The following RBM38 variants were observed in gnomAD, a reference collection of about 807,000 sequenced individuals.
RBM38 encodes the protein RNA-binding protein 38.
RBM38 carries 11 observed loss-of-function variants against 23.5 expected under a neutral mutation model. The ratio of observed to expected loss-of-function variants is 0.47; its 90% confidence interval spans 0.29 to 0.77. The LOEUF (loss-of-function observed/expected upper bound fraction) is 0.77, where lower values mean the gene tolerates loss of function less well. Among genes scored for constraint, RBM38 ranks in the 30% least tolerant of loss-of-function variants. The pLI is 0.08. For synonymous variants in RBM38, 165 were observed against 166.1 expected (o/e 0.99, Z 0.05); for missense variants, 330 against 351.9 (o/e 0.94, Z 0.50).
At chr20:57,394,785 G>A (rs1406580430) in intron 3 of RBM38, among the ~76,000 whole-genome samples, 8 of 152,186 alleles carry the variant, frequency 5.3e-5, no homozygotes, top group African/African-American at 1.9e-4. Context: ...CATTCCCCAG[G>A]CCCACAGCAG....
intron 1 of RBM38, chr20:57,392,383 C>G: frequency 1.3e-6 from 2 of 1,497,206 alleles, no homozygotes; most frequent in Non-Finnish European, 1.8e-6. Context: ...TTCATTTTTG[C>G]CCTATCCCCG....
At chr20:57,406,850 C>T (rs747721736) in intron 3 of RBM38, among the ~76,000 whole-genome samples, 2 of 152,016 alleles carry the variant, frequency 1.3e-5, no homozygotes, top group Admixed American at 6.6e-5. Context: ...AAAAATTAGC[C>T]GAGCGTGGTG....
chr20:57,392,596 G>C, intron 1 of RBM38, 58 bp from the exon 2 acceptor site: 1 of 1,559,656 alleles, frequency 6.4e-7, no homozygotes, highest in Non-Finnish European at 8.7e-7. Context: ...GGAGCCGTCT[G>C]CCCCTTTCGC....
chr20:57,393,240 T>A (rs751041486), intron 2 of RBM38, 39 bp from the exon 3 acceptor site: 1 of 1,603,372 alleles, frequency 6.2e-7, no homozygotes, highest in South Asian at 1.1e-5. Flanking sequence ...ACGTGGCTCG[T>A]GCAGCAAGGC....
In RBM38 at chr20:57,405,201, C is replaced by G. The variant is rs183891885; in HGVS notation, c.417-2342C>G. 3.6e-3 allele frequency among the ~76,000 whole-genome samples: 544 copies of G among 152,356 alleles called. 3 individuals carry two copies. The highest frequency in any genetic ancestry group is 5.3e-3 in the Non-Finnish European group (358 of 68,030). On this transcript the variant is annotated intron_variant, in intron 3 of 3. Coordinates refer to ENST00000356208, the MANE Select transcript of RBM38 (RefSeq NM_017495.6). ...CTGTCTTGACTTCCCCTGAGCCCCC[C>G]ACTCTGGTTTATGGGTTGGTGCATT...
chr20:57,407,361 A>G lies in RBM38; in HGVS notation c.417-182A>G, dbSNP rs1051233753. ...GGAGGGAGCCTGGTGGTTAGTGCAG[A>G]CAGTCAGTGCGAAGGCCTTGAGGCG... is the stretch of plus-strand genomic sequence containing the variant. On this transcript the variant is annotated intron_variant, in intron 3 of 3. Coordinates refer to ENST00000356208, the MANE Select transcript of RBM38 (RefSeq NM_017495.6). This position sits in a 1 kb window ranked among gnomAD's most constrained non-coding sequence, Gnocchi z 4.0. 1.3e-5 allele frequency among the ~76,000 whole-genome samples: 2 copies of G among 152,130 alleles called. No individual in the cohort carries two copies. Among genetic ancestry groups the G allele is most frequent in the Admixed American group, 6.5e-5 (1 of 15,284 alleles).
At position 57,407,267 on chromosome 20, in the gene RBM38, T is replaced by C. The variant is rs1035227757; in HGVS notation, c.417-276T>C. ...TATTTTTGCACCAGCTCCGGGGATG[T>C]GGGGTGTAGGGCTGGGATGCGGGGG... On this transcript the variant is annotated intron_variant, in intron 3 of 3. Coordinates refer to ENST00000356208, the MANE Select transcript of RBM38 (RefSeq NM_017495.6). The surrounding 1 kb of genome is among the most constrained non-coding windows in gnomAD (Gnocchi z 4.0). Among the ~76,000 whole-genome samples, 1 of 152,024 alleles carries C rather than the reference T, an allele frequency of 6.6e-6. No homozygotes were observed. Among genetic ancestry groups the C allele is most frequent in the Non-Finnish European group, 1.5e-5 (1 of 67,966 alleles).
Position 57,392,322 on chromosome 20 carries a change from C to G in RBM38, c.238-332C>G. On this transcript the variant is annotated intron_variant, in intron 1 of 3. Transcript: ENST00000356208. ...CAAACTCCTTCTCAGAGGAAAGTCT[C>G]GGCCCTCACTGGTGGGCAAGTCCAG... 4.1e-6 allele frequency: 4 copies of G among 965,510 alleles called. No individual in the cohort carries two copies. The South Asian group carries it at 5.6e-5, about 14-fold the overall frequency. The allele number at this position is 965,510 out of a possible 1,614,324, so 59.8% of individuals were successfully genotyped here.
intron 3 of RBM38, among the ~76,000 whole-genome samples, chr20:57,403,388 C>T (rs779867774): frequency 6.6e-6 from 1 of 152,232 alleles, no homozygotes; most frequent in African/African-American, 2.4e-5. Flanking sequence ...GTGGCTGCTT[C>T]TACCTTAACT....
chr20:57,395,783 G>T (rs2067268811), intron 3 of RBM38, among the ~76,000 whole-genome samples: 1 of 148,308 alleles, frequency 6.7e-6, no homozygotes, highest in South Asian at 2.1e-4. Context: ...GCCGGAGCTG[G>T]AGAGCTGGGC....
At chr20:57,405,447 G>A (rs923916962) in intron 3 of RBM38, among the ~76,000 whole-genome samples, 1 of 152,248 alleles carries the variant, frequency 6.6e-6, no homozygotes, top group Non-Finnish European at 1.5e-5. Context: ...GCGCCACTGC[G>A]GGGTTCCTGG....
At position 57,391,410 on chromosome 20, in the gene RBM38, G is replaced by C. The variant is rs1434974687; in HGVS notation, c.-172G>C. ...GGTGCCGGGGCGCAGAGTCCCCGCAGCGCCGGTCGGGAGCGCAGCGCGGCG... is the reference window on the plus strand; with the variant it reads ...GGTGCCGGGGCGCAGAGTCCCCGCACCGCCGGTCGGGAGCGCAGCGCGGCG... On this transcript the variant is annotated 5_prime_UTR_variant, in exon 1 of 4. Transcript: ENST00000356208. The C allele has an allele frequency of 6.7e-6, 1 of 148,556 alleles. No homozygotes were observed. Among genetic ancestry groups the C allele is most frequent in the Non-Finnish European group, 1.5e-5 (1 of 67,114 alleles). The allele number at this position is 148,556 out of a possible 1,614,324, so 9.2% of individuals were successfully genotyped here.
rs1324552541 is a variant in RBM38, at chr20:57,408,668, G to A, written c.*822G>A. 3 of 152,018 alleles carry A rather than the reference G, an allele frequency of 2.0e-5. No individual in the cohort carries two copies. The highest frequency in any genetic ancestry group is 2.9e-5 in the Non-Finnish European group (2 of 68,016). The allele number at this position is 152,018 out of a possible 1,614,324, so 9.4% of individuals were successfully genotyped here. Reference sequence around the variant, plus strand: ...GTTTCTGTATAATAAAGTGTCTGCCGGCTCGCGGGCCAGGATCCTCTCGGT... The same window carrying A: ...GTTTCTGTATAATAAAGTGTCTGCCAGCTCGCGGGCCAGGATCCTCTCGGT... On this transcript the variant is annotated 3_prime_UTR_variant, in exon 4 of 4. Transcript: ENST00000356208.
rs550422184 is a variant in RBM38, at chr20:57,403,317, G to A, written c.417-4226G>A. 3.2e-3 allele frequency among the ~76,000 whole-genome samples: 487 copies of A among 152,324 alleles called. 3 individuals carry two copies. Among genetic ancestry groups the A allele is most frequent in the Admixed American group, 4.8e-3 (73 of 15,302 alleles). ...TGGTAACTCAGACAAGTGCAGGGGC[G>A]AGGCGCAACCCTAGGAGGGAGAGAA... On this transcript the variant is annotated intron_variant, in intron 3 of 3. Coordinates refer to ENST00000356208, the MANE Select transcript of RBM38 (RefSeq NM_017495.6).
At chr20:57,400,787 C>T (rs987560618) in intron 3 of RBM38, among the ~76,000 whole-genome samples, 4 of 152,080 alleles carry the variant, frequency 2.6e-5, no homozygotes, top group Non-Finnish European at 4.4e-5. Flanking sequence ...AAGTTTTCTG[C>T]AGAGGATGAG....
In RBM38 at chr20:57,392,646, T is replaced by C. The variant is rs999200625; in HGVS notation, c.238-8T>C. 1.2e-6 allele frequency: 2 copies of C among 1,610,066 alleles called. No individual in the cohort carries two copies. Among genetic ancestry groups the C allele is most frequent in the Non-Finnish European group, 1.7e-6 (2 of 1,178,776 alleles). On this transcript the variant is annotated splice_polypyrimidine_tract_variant and splice_region_variant and intron_variant, in intron 1 of 3. Coordinates refer to ENST00000356208, the MANE Select transcript of RBM38 (RefSeq NM_017495.6). ...ACGGCAGCCCCTGATGTGTCTCTGC[T>C]CCACCAGGTGACCATGGCCGACCGG...
At chr20:57,403,056 C>T (rs1029743062) in intron 3 of RBM38, among the ~76,000 whole-genome samples, 1 of 152,216 alleles carries the variant, frequency 6.6e-6, no homozygotes, top group Non-Finnish European at 1.5e-5. Context: ...CACCCCTGGC[C>T]TCGACCCCTA....
chr20:57,395,776 G>T (rs1009696927), intron 3 of RBM38, among the ~76,000 whole-genome samples: 1 of 152,182 alleles, frequency 6.6e-6, no homozygotes, highest in Non-Finnish European at 1.5e-5. Context: ...GAGCTGGGCC[G>T]GAGCTGGAGA....
rs1245611371 is a variant in RBM38 at position 57,407,746 on chromosome 20, A to G, written c.620A>G (p.Tyr207Cys). 1.2e-6 allele frequency: 2 copies of G among 1,610,216 alleles called. No homozygotes were observed. The highest frequency in any genetic ancestry group is 8.5e-7 in the Non-Finnish European group (1 of 1,179,354). Reference protein sequence around the residue: ...ATAASFVGYSYPAAVPQALSA... With the variant: ...ATAASFVGYSCPAAVPQALSA... ...GCTGCCAGCTTCGTGGGCTACAGCT[A>G]CCCTGCCGCCGTGCCCCAGGCCCTC... The change falls in exon 4 of 4, where the codon TAC (tyrosine) becomes TGC (cysteine). Residue 207 changes from tyrosine (Y) to cysteine (C), a missense_variant. Physicochemically the swap from Tyr to Cys is radical, Grantham distance 194. Coordinates refer to ENST00000356208, the MANE Select transcript of RBM38 (RefSeq NM_017495.6). This position sits in a 1 kb window ranked among gnomAD's most constrained non-coding sequence, Gnocchi z 4.0.
Sources: allele counts gnomAD v4.1 joint callset (sites outside exome capture counted in the v4.1 genomes callset), GRCh38; gene constraint gnomAD v4.1.1; non-coding constraint Gnocchi (gnomAD v3.1); transcripts MANE v1.5; gene names NCBI Gene and HGNC (gene_info 2026-07-23, HGNC 2026-07-21).